Variants in VEPH1 observed in about 807,000 individuals in gnomAD.
The protein encoded by VEPH1 is ventricular zone expressed PH domain containing 1.
VEPH1 carries 80 observed loss-of-function variants against 85.2 expected under a neutral mutation model. The ratio of observed to expected loss-of-function variants is 0.94; its 90% CI spans 0.78 to 1.13. The LOEUF (loss-of-function observed/expected upper bound fraction) is 1.13, where lower values mean the gene tolerates loss of function less well. Ranked by LOEUF, VEPH1 falls within the 50% of genes most tolerant of loss-of-function variation. The pLI is 0.00. For synonymous variants in VEPH1, 297 were observed against 348.0 expected (o/e 0.85, Z 1.63); for missense variants, 955 against 980.5 (o/e 0.97, Z 0.35).
At chr3:157,425,648 T>G (rs567822393) in intron 5 of VEPH1, among the ~76,000 whole-genome samples, 22 of 152,360 alleles carry the variant, frequency 1.4e-4, no homozygotes, top group African/African-American at 5.1e-4. Flanking sequence ...AGTAACCAAC[T>G]TGCTTTTGAT....
chr3:157,484,830 G>T (rs1041071813), intron 2 of VEPH1, among the ~76,000 whole-genome samples: 7 of 152,118 alleles, frequency 4.6e-5, no homozygotes, highest in Non-Finnish European at 7.4e-5. Context: ...AGAAGAGACT[G>T]CCAGTTAAAT....
At chr3:157,469,077 A>G (rs1736671167) in intron 3 of VEPH1, among the ~76,000 whole-genome samples, 1 of 152,178 alleles carries the variant, frequency 6.6e-6, no homozygotes, top group South Asian at 2.1e-4. Context: ...TGTTTCTGAT[A>G]TATATCAATA....
At chr3:157,467,214 G>A (rs1199282657) in intron 3 of VEPH1, among the ~76,000 whole-genome samples, 3 of 151,732 alleles carry the variant, frequency 2.0e-5, no homozygotes, top group African/African-American at 7.3e-5. Context: ...AAATGGCCAA[G>A]GGTGCAGGAA....
At chr3:157,485,460 T>C (rs1738533003) in intron 2 of VEPH1, among the ~76,000 whole-genome samples, 1 of 152,140 alleles carries the variant, frequency 6.6e-6, no homozygotes, top group Non-Finnish European at 1.5e-5. Flanking sequence ...ATATCATCAG[T>C]ATGTTTGCTA....
intron 7 of VEPH1, among the ~76,000 whole-genome samples, chr3:157,371,941 C>T (rs1044642991): frequency 6.6e-6 from 1 of 152,138 alleles, no homozygotes; most frequent in South Asian, 2.1e-4. Context: ...TCCTAATGAA[C>T]TGCCACCCAG....
chr3:157,361,432 A>G (rs554684020), intron 9 of VEPH1, among the ~76,000 whole-genome samples: 10 of 152,210 alleles, frequency 6.6e-5, no homozygotes, highest in Non-Finnish European at 1.3e-4. Context: ...TAGAAAGTAG[A>G]ATATGGAAAA....
At chr3:157,480,080 T>G (rs1424480904) in intron 2 of VEPH1, among the ~76,000 whole-genome samples, 10 of 84,596 alleles carry the variant, frequency 1.2e-4, no homozygotes, top group African/African-American at 3.2e-4. Context: ...CTTTCTTTCT[T>G]TCTGTCTCTC....
intron 6 of VEPH1, among the ~76,000 whole-genome samples, chr3:157,389,700 C>T (rs886306433): frequency 3.3e-5 from 5 of 150,996 alleles, no homozygotes; most frequent in African/African-American, 9.7e-5. Context: ...GATAGAAATG[C>T]GTACATAGAT....
intron 3 of VEPH1, among the ~76,000 whole-genome samples, chr3:157,460,669 G>A (rs535884777): frequency 6.6e-6 from 1 of 152,306 alleles, no homozygotes; most frequent in Admixed American, 6.5e-5. Flanking sequence ...CCTGGAGGGG[G>A]TAATGTCTTA....
Position 157,322,740 on chromosome 3 carries a change from G to A in VEPH1, c.1736-5539C>T, listed in dbSNP as rs181227014. Among the ~76,000 whole-genome samples, 3 of 152,218 alleles carry A rather than the reference G, an allele frequency of 2.0e-5. No homozygotes were observed. The East Asian group carries it at 5.8e-4, about 29-fold the overall frequency. ...TGCCTACTTGACACTAGCGTGACAG[G>A]AACCCTTGAAGCAATTTCCTTCATT... On this transcript the variant is annotated intron_variant, in intron 9 of 13. Coordinates refer to ENST00000362010, the MANE Select transcript of VEPH1 (RefSeq NM_001167912.2).
chr3:157,377,102 C>T (rs1031515364), intron 7 of VEPH1, among the ~76,000 whole-genome samples: 1 of 152,064 alleles, frequency 6.6e-6, no homozygotes, highest in Non-Finnish European at 1.5e-5. Context: ...GGCTGGCTGT[C>T]CACACGAGGG....
intron 6 of VEPH1, among the ~76,000 whole-genome samples, chr3:157,386,003 T>C (rs1729249468): frequency 6.6e-6 from 1 of 152,156 alleles, no homozygotes; most frequent in Non-Finnish European, 1.5e-5. Context: ...ACCACTGATC[T>C]CATCAGAAAA....
At chr3:157,335,468 GA>G (rs1175225013) in intron 9 of VEPH1, among the ~76,000 whole-genome samples, 3 of 152,214 alleles carry the variant, frequency 2.0e-5, no homozygotes, top group Admixed American at 1.3e-4. Context: ...TGCAAATACA[GA>G]AAACTGAGAC....
At chr3:157,340,662 C>A (rs1444764297) in intron 9 of VEPH1, among the ~76,000 whole-genome samples, 1 of 152,194 alleles carries the variant, frequency 6.6e-6, no homozygotes, top group Non-Finnish European at 1.5e-5. Flanking sequence ...TGTCTGACAG[C>A]TTTGAAGAGA....
chr3:157,477,701 T>G (rs920215303), intron 2 of VEPH1, among the ~76,000 whole-genome samples: 1 of 152,236 alleles, frequency 6.6e-6, no homozygotes, highest in Non-Finnish European at 1.5e-5. Context: ...CTGTCATCAG[T>G]CACTCTAGTG....
intron 4 of VEPH1, chr3:157,459,903 A>C: frequency 6.5e-7 from 1 of 1,537,240 alleles, no homozygotes; most frequent in Non-Finnish European, 8.7e-7. Context: ...GGTGACCAGA[A>C]GCACGGAAAT....
At chr3:157,315,790 G>T (rs192728258) in intron 10 of VEPH1, 19 of 151,434 alleles carry the variant, frequency 1.3e-4, no homozygotes, top group African/African-American at 4.1e-4. Flanking sequence ...AACCCATCAA[G>T]ATTTCTTGTT....
intron 7 of VEPH1, among the ~76,000 whole-genome samples, chr3:157,375,667 C>A (rs1190869168): frequency 6.6e-6 from 1 of 152,178 alleles, no homozygotes; most frequent in Non-Finnish European, 1.5e-5. Flanking sequence ...TCCCTTCATT[C>A]TCCTGCATGT....
At chr3:157,408,852 T>C (rs1228760896) in intron 6 of VEPH1, among the ~76,000 whole-genome samples, 2 of 151,966 alleles carry the variant, frequency 1.3e-5, no homozygotes, top group African/African-American at 4.8e-5. Flanking sequence ...TCCTGAGTAG[T>C]CAGAATGTAG....
Sources: allele counts gnomAD v4.1 joint callset (sites outside exome capture counted in the v4.1 genomes callset), GRCh38; gene constraint gnomAD v4.1.1; transcripts MANE v1.5; gene names NCBI Gene and HGNC (gene_info 2026-07-23, HGNC 2026-07-21).